Variants in MDGA2 observed in about 807,000 individuals in gnomAD.
MDGA2 encodes MAM domain-containing glycosylphosphatidylinositol anchor protein 2.
Under a neutral mutation model 117.8 loss-of-function variants are expected in MDGA2, and 40 were observed. The observed-to-expected ratio is 0.34, with a 90% CI of 0.26 to 0.44. The LOEUF (loss-of-function observed/expected upper bound fraction) is 0.44, where lower values mean the gene tolerates loss of function less well. Ranked by LOEUF, MDGA2 falls within the 20% of genes least tolerant of loss-of-function variation. The pLI is 1.00. For synonymous variants in MDGA2, 452 were observed against 439.0 expected, an observed-to-expected ratio of 1.03 and a Z score of -0.37; for missense variants, 1,123 against 1,250.6, an observed-to-expected ratio of 0.90 and a Z score of 1.54.
chr14:46,855,197 C>G lies in MDGA2; in HGVS notation c.2753-43G>C, dbSNP rs759740166. The G allele has an allele frequency of 1.9e-6, 3 of 1,557,490 alleles. No individual in the cohort carries two copies. In the South Asian group the frequency reaches 3.6e-5, roughly 18 times the overall value. On this transcript the variant is annotated intron_variant, in intron 14 of 16. Coordinates refer to ENST00000399232, the MANE Select transcript of MDGA2 (RefSeq NM_001113498.3). This position sits in a 1 kb window ranked among gnomAD's most constrained non-coding sequence, Gnocchi z 4.1. ...ATTTTATTTTGCATATTCATTTTCA[C>G]CTCAAATTTGTTTTTCCTTGACCAA...
chr14:47,265,530 T>C (rs1188487854), intron 2 of MDGA2, among the ~76,000 whole-genome samples: 1 of 152,092 alleles, frequency 6.6e-6, no homozygotes, highest in East Asian at 1.9e-4. Context: ...AGTTTGAGTA[T>C]GTTACTATCT....
intron 1 of MDGA2, among the ~76,000 whole-genome samples, chr14:47,600,723 T>TAAAAAAAAAAA (rs377627666): frequency 3.0e-4 from 42 of 140,080 alleles, no homozygotes; most frequent in African/African-American, 1.1e-3. Flanking sequence ...ATCGGATCAT[T>TAAAAAAAAAAA]AAAAAAAAAA....
intron 1 of MDGA2, among the ~76,000 whole-genome samples, chr14:47,424,526 C>A (rs1342756754): frequency 6.6e-6 from 1 of 152,192 alleles, no homozygotes; most frequent in East Asian, 1.9e-4. Flanking sequence ...GAACTATATC[C>A]CTTATACTCA....
chr14:47,379,225 G>A (rs1891550792), intron 1 of MDGA2, among the ~76,000 whole-genome samples: 1 of 152,138 alleles, frequency 6.6e-6, no homozygotes, highest in African/African-American at 2.4e-5. Flanking sequence ...CGCTAAACAT[G>A]GAAAGGAACA....
chr14:47,584,615 C>T (rs1456877353), intron 1 of MDGA2, among the ~76,000 whole-genome samples: 1 of 151,788 alleles, frequency 6.6e-6, no homozygotes, highest in East Asian at 1.9e-4. Context: ...CCTGGATTAT[C>T]ACAAAATCTC....
chr14:47,136,616 T>C (rs562553297), intron 4 of MDGA2, among the ~76,000 whole-genome samples: 12 of 152,332 alleles, frequency 7.9e-5, no homozygotes, highest in African/African-American at 2.4e-4. Context: ...TTTATATCAG[T>C]CACATTTGTG....
chr14:47,359,847 T>C (rs1163239907), intron 1 of MDGA2, among the ~76,000 whole-genome samples: 2 of 151,540 alleles, frequency 1.3e-5, no homozygotes, highest in Non-Finnish European at 2.9e-5. Context: ...ACACCAAAAG[T>C]TCATGCAACA....
At chr14:47,538,616 A>T (rs572855478) in intron 1 of MDGA2, among the ~76,000 whole-genome samples, 1 of 152,326 alleles carries the variant, frequency 6.6e-6, no homozygotes, top group Non-Finnish European at 1.5e-5. Flanking sequence ...TATCAGATGT[A>T]CTTGACCTTC....
chr14:46,940,050 G>A (rs4900719), intron 9 of MDGA2, among the ~76,000 whole-genome samples: 82,824 of 151,884 alleles, frequency 0.55, 23,034 homozygotes, highest in South Asian at 0.6. Context: ...ATAGGCTAGT[G>A]GACTTTCTGA....
chr14:47,295,029 C>A (rs1001886407), intron 2 of MDGA2, among the ~76,000 whole-genome samples: 59 of 152,284 alleles, frequency 3.9e-4, no homozygotes, highest in African/African-American at 1.3e-3. Context: ...AGCAAATGCT[C>A]ACTAAGGTTA....
intron 1 of MDGA2, among the ~76,000 whole-genome samples, chr14:47,396,649 AC>A (rs1317701039): frequency 6.6e-6 from 1 of 152,212 alleles, no homozygotes; most frequent in Non-Finnish European, 1.5e-5. Flanking sequence ...CAAGAAAAAA[AC>A]AACCCCATCC....
intron 3 of MDGA2, among the ~76,000 whole-genome samples, chr14:47,193,594 A>G (rs183491320): frequency 6.6e-6 from 1 of 152,326 alleles, no homozygotes; most frequent in African/African-American, 2.4e-5. Context: ...ATGCACAAAA[A>G]TAGAAAAATG....
At chr14:47,643,967 C>T (rs1027760470) in intron 1 of MDGA2, among the ~76,000 whole-genome samples, 2 of 152,122 alleles carry the variant, frequency 1.3e-5, no homozygotes, top group Non-Finnish European at 2.9e-5. Flanking sequence ...GGAAATAAGA[C>T]ATTAAAAGGT....
intron 6 of MDGA2, among the ~76,000 whole-genome samples, chr14:47,065,870 T>C (rs956136315): frequency 6.6e-6 from 1 of 152,208 alleles, no homozygotes; most frequent in Non-Finnish European, 1.5e-5. Flanking sequence ...AAATCGATTA[T>C]GTTTTATAAT....
At chr14:47,549,188 G>C (rs1344634921) in intron 1 of MDGA2, among the ~76,000 whole-genome samples, 1 of 151,992 alleles carries the variant, frequency 6.6e-6, no homozygotes, top group Non-Finnish European at 1.5e-5. Flanking sequence ...AGGGAGAGTG[G>C]GATGAACATA....
At chr14:46,931,089 C>G (rs567248896) in intron 9 of MDGA2, among the ~76,000 whole-genome samples, 75 of 151,674 alleles carry the variant, frequency 4.9e-4, no homozygotes, top group Non-Finnish European at 8.4e-4. Flanking sequence ...GTGGCACGCA[C>G]CTGTAATCCC....
chr14:47,512,228 T>C (rs886968677), intron 1 of MDGA2, among the ~76,000 whole-genome samples: 8 of 152,196 alleles, frequency 5.3e-5, no homozygotes, highest in African/African-American at 1.4e-4. Flanking sequence ...TTCCTGTTTA[T>C]ATCTGATTTT....
At chr14:47,612,255 G>GATAGATAA (rs1305387831) in intron 1 of MDGA2, among the ~76,000 whole-genome samples, 6 of 151,226 alleles carry the variant, frequency 4.0e-5, no homozygotes, top group Non-Finnish European at 7.4e-5. Context: ...TAGATAGATA[G>GATAGATAA]ATCTTCTGTG....
At chr14:47,183,108 CATT>C (rs1269592804) in intron 3 of MDGA2, among the ~76,000 whole-genome samples, 2 of 152,120 alleles carry the variant, frequency 1.3e-5, no homozygotes, top group African/African-American at 4.8e-5. Flanking sequence ...AAATTAGACT[CATT>C]ATCTTCCTCT....
Sources: allele counts gnomAD v4.1 joint callset (sites outside exome capture counted in the v4.1 genomes callset), GRCh38; gene constraint gnomAD v4.1.1; non-coding constraint Gnocchi (gnomAD v3.1); transcripts MANE v1.5; gene names NCBI Gene and HGNC (gene_info 2026-07-23, HGNC 2026-07-21).